The following IGF1R variants were observed in gnomAD, a reference collection of about 807,000 sequenced individuals.
IGF1R encodes insulin-like growth factor 1 receptor.
A neutral mutation model predicts 144.6 loss-of-function variants in IGF1R; 44 were observed. That is an observed-to-expected ratio of 0.30 (90% confidence interval 0.24 to 0.39). The LOEUF is 0.39. Ranked by LOEUF, IGF1R falls within the 10% of genes least tolerant of loss-of-function variation. The pLI, the probability that IGF1R is intolerant of heterozygous loss-of-function variation, is 1.00. For missense variants in IGF1R, 1,355 were observed against 1,833.7 expected (o/e 0.74, Z 4.77); for synonymous variants, 795 against 722.8 (o/e 1.10, Z -1.60).
At chr15:98,897,166 C>T in intron 4 of IGF1R, 1 of 491,808 alleles carries the variant, frequency 2.0e-6, no homozygotes. Context: ...TTAGTCACAT[C>T]TTGCATAGGA....
intron 2 of IGF1R, among the ~76,000 whole-genome samples, chr15:98,829,438 G>T (rs1265603131): frequency 6.6e-6 from 1 of 151,972 alleles, no homozygotes; most frequent in Non-Finnish European, 1.5e-5. Context: ...ATGTAATTAA[G>T]ATGTTTGGGG....
intron 2 of IGF1R, among the ~76,000 whole-genome samples, chr15:98,766,584 A>C (rs549678954): frequency 6.6e-6 from 1 of 152,322 alleles, no homozygotes; most frequent in Non-Finnish European, 1.5e-5. Flanking sequence ...GGATTGGATA[A>C]TGTATTTATT....
At chr15:98,807,539 G>C (rs2056496458) in intron 2 of IGF1R, among the ~76,000 whole-genome samples, 1 of 152,174 alleles carries the variant, frequency 6.6e-6, no homozygotes. Context: ...GATAGGATAA[G>C]GACCAAAACA....
In IGF1R at chr15:98,716,674, G is replaced by A. The variant is rs554857062; in HGVS notation, c.640+8567G>A. Among the ~76,000 whole-genome samples the A allele has an allele frequency of 2.0e-5, 3 of 152,304 alleles. No homozygotes were observed. In the East Asian group the frequency reaches 5.8e-4, roughly 29 times the overall value. The stretch of plus-strand genomic sequence containing the variant: ...TTGAACTGCATTGCGGGAGTAGGCA[G>A]AAGAACAGAACAGTCCTTGGAGCTT... On this transcript the variant is annotated intron_variant, in intron 2 of 20. Transcript: ENST00000650285.
At chr15:98,717,089 T>A (rs1314706857) in intron 2 of IGF1R, among the ~76,000 whole-genome samples, 1 of 152,198 alleles carries the variant, frequency 6.6e-6, no homozygotes, top group Non-Finnish European at 1.5e-5. Context: ...ATACATCATT[T>A]TGTACAGAAC....
At chr15:98,867,776 C>T (rs1232064034) in intron 2 of IGF1R, among the ~76,000 whole-genome samples, 1 of 152,162 alleles carries the variant, frequency 6.6e-6, no homozygotes, top group Non-Finnish European at 1.5e-5. Context: ...TGTGATTAAA[C>T]ACTATGTTTG....
chr15:98,803,498 T>TTTTATTTA lies in IGF1R; in HGVS notation c.641-87809_641-87802dup, dbSNP rs3076065. Among the ~76,000 whole-genome samples, 154 of 144,710 alleles carry TTTTATTTA rather than the reference T, an allele frequency of 1.1e-3. 1 individual carries two copies. Among genetic ancestry groups the TTTTATTTA allele is most frequent in the Middle Eastern group, 3.5e-3 (1 of 284 alleles). 94.9% of individuals were successfully genotyped at this position (144,710 alleles called of 152,430 possible). On this transcript the variant is annotated intron_variant, in intron 2 of 20. Coordinates refer to ENST00000650285, the MANE Select transcript of IGF1R (RefSeq NM_000875.5). ...TAGGCTACACTTAGTGAATATTACA[T>TTTTATTTA]TTTATTTATTTATTTATTTATTTAT...
At chr15:98,778,023 C>T (rs1274510168) in intron 2 of IGF1R, among the ~76,000 whole-genome samples, 1 of 152,188 alleles carries the variant, frequency 6.6e-6, no homozygotes, top group Non-Finnish European at 1.5e-5. Flanking sequence ...TACTGCATGA[C>T]AGAGTGTTCA....
Position 98,959,885 on chromosome 15 carries a change from GT to G in IGF1R, c.*2447del, listed in dbSNP as rs1482134465. The G allele has an allele frequency of 5.2e-5, 12 of 231,884 alleles. No individual in the cohort carries two copies. The highest frequency in any genetic ancestry group is 1.0e-4 in the Non-Finnish European group (12 of 117,696). The allele number at this position is 231,884 out of a possible 1,614,324, so 14.4% of individuals were successfully genotyped here. A position where few individuals can be genotyped will look rare whatever the true frequency, so the allele number is the denominator to read the frequency against. On this transcript the variant is annotated 3_prime_UTR_variant, in exon 21 of 21. Coordinates refer to ENST00000650285, the MANE Select transcript of IGF1R (RefSeq NM_000875.5). ...AAAAAAAAAGGTATTATATGTAGGA[GT>G]TTTCTTTTAATTTATTTTGTGATAA...
intron 9 of IGF1R, 180 bp from the exon 10 acceptor site, chr15:98,916,492 C>G: frequency 1.5e-6 from 1 of 668,806 alleles, no homozygotes; most frequent in Non-Finnish European, 2.7e-6. Context: ...AAACTCCTAA[C>G]CTCAGGTGAT....
At chr15:98,835,106 CACA>C (rs1214644336) in intron 2 of IGF1R, among the ~76,000 whole-genome samples, 4 of 149,540 alleles carry the variant, frequency 2.7e-5, no homozygotes, top group Admixed American at 6.6e-5. Flanking sequence ...CACACACACA[CACA>C]CCCCTACACC....
chr15:98,927,128 GAT>G, intron 13 of IGF1R, among the ~76,000 whole-genome samples: 1 of 152,300 alleles, frequency 6.6e-6, no homozygotes, highest in Admixed American at 6.5e-5. Context: ...TAAGTGCCAG[GAT>G]GCCAGTGGGA....
At chr15:98,920,968 TC>T (rs1010924225) in intron 10 of IGF1R, among the ~76,000 whole-genome samples, 1 of 152,192 alleles carries the variant, frequency 6.6e-6, no homozygotes, top group African/African-American at 2.4e-5. Context: ...TCTGGGCTGT[TC>T]CGTTCCCTGC....
chr15:98,863,329 TGTG>T (rs2012260609), intron 2 of IGF1R, among the ~76,000 whole-genome samples: 1 of 152,224 alleles, frequency 6.6e-6, no homozygotes. Context: ...AGGTGGTCTC[TGTG>T]GCTTCCTCCA....
At chr15:98,771,008 G>A (rs1336042607) in intron 2 of IGF1R, among the ~76,000 whole-genome samples, 4 of 152,180 alleles carry the variant, frequency 2.6e-5, no homozygotes, top group Non-Finnish European at 5.9e-5. Flanking sequence ...AACATTTAAA[G>A]GTGGAGAATT....
chr15:98,796,919 T>A (rs954697274), intron 2 of IGF1R, among the ~76,000 whole-genome samples: 20 of 152,214 alleles, frequency 1.3e-4, no homozygotes, highest in Non-Finnish European at 2.1e-4. Flanking sequence ...CGACTCCTGT[T>A]GGCTTGTGGA....
At chr15:98,744,716 G>A (rs2054823162) in intron 2 of IGF1R, among the ~76,000 whole-genome samples, 1 of 152,096 alleles carries the variant, frequency 6.6e-6, no homozygotes. Flanking sequence ...ATGGTAAGAG[G>A]AAGGACAGAT....
At position 98,741,811 on chromosome 15, in the gene IGF1R, T is replaced by C. The variant is rs143950245; in HGVS notation, c.640+33704T>C. Among the ~76,000 whole-genome samples, 247 of 152,366 alleles carry C rather than the reference T, an allele frequency of 1.6e-3. 2 individuals are homozygous for C. Among genetic ancestry groups the C allele is most frequent in the African/African-American group, 5.7e-3 (235 of 41,578 alleles). On this transcript the variant is annotated intron_variant, in intron 2 of 20. Transcript: ENST00000650285. ...TTTAATAAATTTAAAGGCATGTCTC[T>C]GTTTTTCTCCTCCTCCATGGGGATT...
At chr15:98,917,099 C>T in intron 10 of IGF1R, 1 of 622,064 alleles carries the variant, frequency 1.6e-6, no homozygotes, top group Non-Finnish European at 2.9e-6. Flanking sequence ...GCTGGGGCCA[C>T]CGGTGTGACA....
Sources: gnomAD v4.1 joint callset for allele counts (sites outside exome capture counted in the v4.1 genomes callset) on GRCh38, gnomAD v4.1.1 for gene constraint, MANE v1.5 for transcripts, NCBI Gene and HGNC (gene_info 2026-07-23, HGNC 2026-07-21) for gene names.